PTPRQ: variants seen among roughly 807,000 people sequenced by gnomAD.
The protein encoded by PTPRQ is protein tyrosine phosphatase receptor type Q, also known as phosphatidylinositol phosphatase PTPRQ.
In PTPRQ, 199 loss-of-function variants were observed where a neutral mutation model predicts 246.0. That is an observed-to-expected ratio of 0.81 (90% confidence interval 0.72 to 0.91). The LOEUF (loss-of-function observed/expected upper bound fraction) is 0.91. PTPRQ is among the 40% of genes least tolerant of loss of function. PTPRQ has a pLI of 0.00. For missense variants in PTPRQ, 2,624 were observed against 2,528.4 expected, an observed-to-expected ratio of 1.04 and a Z score of -0.81; for synonymous variants, 869 against 853.2, an observed-to-expected ratio of 1.02 and a Z score of -0.32.
chr12:80,546,461 G>A (rs1050298418), intron 23 of PTPRQ, 95 bp from the exon 24 acceptor site: 3 of 1,203,804 alleles, frequency 2.5e-6, no homozygotes, highest in African/African-American at 3.1e-5. Flanking sequence ...TAAACTATAG[G>A]TTAAATATAA....
intron 37 of PTPRQ, 96 bp from the exon 38 acceptor site, chr12:80,652,647 TA>T (rs963349463): frequency 3.5e-4 from 428 of 1,237,068 alleles, no homozygotes; most frequent in South Asian, 6.8e-4. Flanking sequence ...ATTTAAAAAT[TA>T]AAAAAAAAGT....
At chr12:80,662,511 G>A (rs1051796756) in intron 39 of PTPRQ, among the ~76,000 whole-genome samples, 4 of 151,866 alleles carry the variant, frequency 2.6e-5, no homozygotes, top group African/African-American at 7.3e-5. Context: ...CTTTCTGAGT[G>A]AAGTTTCTAC....
intron 43 of PTPRQ, among the ~76,000 whole-genome samples, chr12:80,677,349 T>C (rs557857080): frequency 6.6e-6 from 1 of 152,342 alleles, no homozygotes; most frequent in East Asian, 1.9e-4. Context: ...ATTTTATTGC[T>C]TTATAACAAC....
chr12:80,486,353 A>G (rs373249398), intron 9 of PTPRQ, among the ~76,000 whole-genome samples: 1 of 152,144 alleles, frequency 6.6e-6, no homozygotes, highest in Non-Finnish European at 1.5e-5. Context: ...TTCTCTGATT[A>G]TATCTTTCTT....
chr12:80,664,372 T>A (rs958341379), intron 39 of PTPRQ, among the ~76,000 whole-genome samples: 6 of 151,932 alleles, frequency 3.9e-5, no homozygotes, highest in African/African-American at 1.5e-4. Context: ...TGCATCTGTG[T>A]CCATATACTC....
At position 80,619,446 on chromosome 12, in the gene PTPRQ, A is replaced by G. The variant is rs900816455; in HGVS notation, c.5293A>G (p.Thr1765Ala). 1.3e-6 allele frequency: 2 copies of G among 1,548,424 alleles called. No homozygotes were observed. The highest frequency in any genetic ancestry group is 1.4e-5 in the African/African-American group (1 of 72,788). ...IYDATGKLLV[T>A]STTITIRMPI... is the part of the protein sequence containing the mutation. ...TGATGCCACAGGAAAACTGCTTGTG[A>G]CTTCAACAACAATTACAATCAGAAT... Residue 1765 changes from threonine to alanine, a missense_variant, in exon 31 of 45, where the codon ACT (threonine) becomes GCT (alanine). Physicochemically the swap from Thr to Ala is moderately conservative, Grantham distance 58. Transcript: ENST00000644991.
chr12:80,622,028 C>A (rs1335222453), intron 32 of PTPRQ, 33 bp from the exon 33 acceptor site: 1 of 1,254,462 alleles, frequency 8.0e-7, no homozygotes, highest in South Asian at 1.7e-5. Context: ...ACATGATATG[C>A]AAAGTGTTGA....
At chr12:80,465,823 C>T (rs11114463) in intron 6 of PTPRQ, among the ~76,000 whole-genome samples, 59,128 of 151,832 alleles carry the variant, frequency 0.39, 13,185 homozygotes, top group African/African-American at 0.61. Flanking sequence ...TGCTAAAAAC[C>T]CTCAATAAAT....
chr12:80,471,279 G>A (rs2120540857), intron 7 of PTPRQ, among the ~76,000 whole-genome samples: 1 of 152,050 alleles, frequency 6.6e-6, no homozygotes, highest in South Asian at 2.1e-4. Flanking sequence ...CATTTGGGGT[G>A]GCTGCAGGGG....
intron 25 of PTPRQ, among the ~76,000 whole-genome samples, chr12:80,574,715 G>A (rs1897238096): frequency 6.6e-6 from 1 of 152,084 alleles, no homozygotes; most frequent in African/African-American, 2.4e-5. Flanking sequence ...AGTTTCTGCT[G>A]TTATTGTTAT....
chr12:80,555,101 G>T (rs565699677), intron 25 of PTPRQ, among the ~76,000 whole-genome samples: 5 of 152,244 alleles, frequency 3.3e-5, no homozygotes, highest in African/African-American at 1.2e-4. Flanking sequence ...TTTTAGTAGA[G>T]ACAGGGTTTC....
At chr12:80,478,080 CACAG>C (rs1293953749) in intron 8 of PTPRQ, among the ~76,000 whole-genome samples, 1 of 152,130 alleles carries the variant, frequency 6.6e-6, no homozygotes, top group African/African-American at 2.4e-5. Context: ...GGGGGCAGGG[CACAG>C]ACAAACAAAA....
intron 39 of PTPRQ, among the ~76,000 whole-genome samples, chr12:80,668,414 T>C (rs1370110634): frequency 6.6e-6 from 1 of 151,978 alleles, no homozygotes. Context: ...CTCCAGACAG[T>C]AAATGCCACT....
chr12:80,521,760 C>T (rs1275563336), intron 17 of PTPRQ, among the ~76,000 whole-genome samples: 1 of 152,166 alleles, frequency 6.6e-6, no homozygotes, highest in Non-Finnish European at 1.5e-5. Flanking sequence ...GTTTTGGTTA[C>T]AGTAGCCTTG....
At position 80,471,192 on chromosome 12, in the gene PTPRQ, A is replaced by G. The variant is rs955941133; in HGVS notation, c.1040-913A>G. On this transcript the variant is annotated intron_variant, in intron 7 of 44. Transcript: ENST00000644991. ...AGAGAATAGTAAATAAAGTGGAGCA[A>G]TGAGGAGCAAGGACAACACCTACCA... 4.6e-5 allele frequency among the ~76,000 whole-genome samples: 7 copies of G among 152,052 alleles called. No homozygotes were observed. In the East Asian group the frequency reaches 9.7e-4, roughly 21 times the overall value.
chr12:80,550,639 C>T (rs1371655726), intron 25 of PTPRQ, among the ~76,000 whole-genome samples: 4 of 152,112 alleles, frequency 2.6e-5, no homozygotes, highest in Admixed American at 2.0e-4. Context: ...CTCCAGGAAG[C>T]TTCCTCACTC....
At chr12:80,585,697 C>A (rs1215887822) in intron 25 of PTPRQ, among the ~76,000 whole-genome samples, 1 of 152,054 alleles carries the variant, frequency 6.6e-6, no homozygotes, top group East Asian at 1.9e-4. Flanking sequence ...GGCTAGGTCC[C>A]CTACCTACAT....
intron 17 of PTPRQ, among the ~76,000 whole-genome samples, chr12:80,515,915 T>C (rs1895283816): frequency 6.6e-6 from 1 of 152,210 alleles, no homozygotes; most frequent in Non-Finnish European, 1.5e-5. Context: ...TTGTAGATGG[T>C]ATGTTCAGAA....
chr12:80,494,923 A>T lies in PTPRQ; in HGVS notation c.1541-10A>T. ...CTTTCTTTTTTTCTCTTTTTACTGA[A>T]TTCAAACAGTAACTACAAGGAATCA... On this transcript the variant is annotated splice_polypyrimidine_tract_variant and intron_variant, in intron 10 of 44. Transcript: ENST00000644991. 1 of 1,520,724 alleles carries T rather than the reference A, an allele frequency of 6.6e-7. No homozygotes were observed. 94.2% of individuals were successfully genotyped at this position (1,520,724 alleles called of 1,614,324 possible). A position where few individuals can be genotyped will look rare whatever the true frequency, so the allele number is the denominator to read the frequency against.
Sources: allele counts gnomAD v4.1 joint callset (sites outside exome capture counted in the v4.1 genomes callset), GRCh38; gene constraint gnomAD v4.1.1; transcripts MANE v1.5; gene names NCBI Gene and HGNC (gene_info 2026-07-23, HGNC 2026-07-21).